Variants in SLC24A2 observed in about 807,000 individuals in gnomAD.
SLC24A2 encodes the protein solute carrier family 24 member 2.
In SLC24A2, 36 loss-of-function variants were observed where a neutral mutation model predicts 62.0. The ratio of observed to expected loss-of-function variants is 0.58; its 90% CI spans 0.44 to 0.77. The LOEUF is 0.77. SLC24A2 is among the 30% of genes least tolerant of loss of function. SLC24A2 has a pLI of 0.00. For synonymous variants in SLC24A2, 358 were observed against 294.0 expected (o/e 1.22, Z -2.23); for missense variants, 846 against 817.9 (o/e 1.03, Z -0.42).
At chr9:20,092,896 G>T in the SLC24A2 span, among the ~76,000 whole-genome samples, 2 of 152,148 alleles carry the variant, frequency 1.3e-5, no homozygotes, top group East Asian at 3.8e-4. Context: ...AATGATGGTT[G>T]CCAGGGACTG....
chr9:20,181,294 G>A, the SLC24A2 span, among the ~76,000 whole-genome samples: 1 of 151,930 alleles, frequency 6.6e-6, no homozygotes, highest in Non-Finnish European at 1.5e-5. Flanking sequence ...AATCATATAG[G>A]ACTAAATGTG....
intron 2 of SLC24A2, among the ~76,000 whole-genome samples, chr9:19,686,529 G>A (rs964172003): frequency 4.6e-5 from 7 of 152,176 alleles, no homozygotes; most frequent in Admixed American, 1.3e-4. Context: ...CACGTCTTGC[G>A]GGAGGGAGCC....
rs1174365162 is a variant in SLC24A2, at chr9:19,632,132, G to C, written c.931-9833C>G. Among the ~76,000 whole-genome samples the C allele has an allele frequency of 2.0e-5, 3 of 152,094 alleles. No individual in the cohort carries two copies. Among genetic ancestry groups the C allele is most frequent in the East Asian group, 3.9e-4 (2 of 5,190 alleles). On this transcript the variant is annotated intron_variant, in intron 2 of 10. Coordinates refer to ENST00000341998, the MANE Select transcript of SLC24A2 (RefSeq NM_020344.4). The surrounding 1 kb of genome is among the most constrained non-coding windows in gnomAD (Gnocchi z 4.5). ...ACAGTTACCTTCTCAATTGTCCCTG[G>C]GGCTGATGCAGTTTAGGGTAGAGTG...
chr9:19,948,414 TAAC>T, the SLC24A2 span, among the ~76,000 whole-genome samples: 36,893 of 152,086 alleles, frequency 0.24, 5,370 homozygotes, highest in South Asian at 0.4. Flanking sequence ...GTAATAAAGA[TAAC>T]AAACAAAAGC....
chr9:19,685,659 A>C (rs956878985), intron 2 of SLC24A2, among the ~76,000 whole-genome samples: 2 of 152,116 alleles, frequency 1.3e-5, no homozygotes, highest in African/African-American at 4.8e-5. Flanking sequence ...AACAAAAAAC[A>C]AGCAATGGGG....
chr9:19,863,088 G>T, the SLC24A2 span, among the ~76,000 whole-genome samples: 1 of 151,970 alleles, frequency 6.6e-6, no homozygotes, highest in African/African-American at 2.4e-5. Context: ...CCAAAAAAGA[G>T]CAGGAGTTGC....
At chr9:19,939,757 A>G in the SLC24A2 span, among the ~76,000 whole-genome samples, 1 of 152,208 alleles carries the variant, frequency 6.6e-6, no homozygotes, top group Non-Finnish European at 1.5e-5. Context: ...CTGTCCTACA[A>G]GTGGTCTGTT....
chr9:20,208,695 T>C, the SLC24A2 span, among the ~76,000 whole-genome samples: 2 of 152,170 alleles, frequency 1.3e-5, no homozygotes, highest in African/African-American at 4.8e-5. Flanking sequence ...CCAGCTATGG[T>C]TGTTTCCAGA....
chr9:19,522,246 C>T (rs2132640875), intron 9 of SLC24A2, among the ~76,000 whole-genome samples: 1 of 152,266 alleles, frequency 6.6e-6, no homozygotes, highest in East Asian at 1.9e-4. Flanking sequence ...GATCCTCCTG[C>T]CTTGGCCTCC....
chr9:19,769,645 T>G (rs1178340879), intron 2 of SLC24A2, among the ~76,000 whole-genome samples: 1 of 152,212 alleles, frequency 6.6e-6, no homozygotes, highest in African/African-American at 2.4e-5. Flanking sequence ...CTGACTGTGT[T>G]ACCAATGTAA....
intron 2 of SLC24A2, among the ~76,000 whole-genome samples, chr9:19,732,168 C>T (rs1821359493): frequency 6.6e-6 from 1 of 152,134 alleles, no homozygotes; most frequent in African/African-American, 2.4e-5. Flanking sequence ...AGGGCAGGTG[C>T]AAATATTTGT....
chr9:19,757,491 A>AT (rs1462514880), intron 2 of SLC24A2, among the ~76,000 whole-genome samples: 6 of 152,018 alleles, frequency 3.9e-5, no homozygotes, highest in African/African-American at 7.2e-5. Flanking sequence ...CTAGAAGGCT[A>AT]TTTTTTTCTT....
the SLC24A2 span, among the ~76,000 whole-genome samples, chr9:20,089,190 G>C: frequency 1.3e-5 from 2 of 152,104 alleles, no homozygotes; most frequent in Admixed American, 1.3e-4. Flanking sequence ...AGTCTGCAGG[G>C]ACCAGAAACT....
chr9:20,124,378 A>G, the SLC24A2 span, among the ~76,000 whole-genome samples: 3 of 152,228 alleles, frequency 2.0e-5, no homozygotes, highest in Admixed American at 2.0e-4. Context: ...ATTTAAAAAA[A>G]AAGAAGAAGA....
intron 2 of SLC24A2, among the ~76,000 whole-genome samples, chr9:19,636,326 T>TCCTTTCCTTTCC (rs1554690402): frequency 3.7e-5 from 1 of 26,874 alleles, no homozygotes; most frequent in African/African-American, 1.6e-4. Flanking sequence ...TTTCTTTCTT[T>TCCTTTCCTTTCC]CTTTCTTTCT....
chr9:19,744,468 T>C (rs1821773185), intron 2 of SLC24A2, among the ~76,000 whole-genome samples: 2 of 152,234 alleles, frequency 1.3e-5, no homozygotes, highest in South Asian at 4.1e-4. Flanking sequence ...CAGACTCCTA[T>C]GCTCGTAGAG....
At chr9:19,941,062 G>A in the SLC24A2 span, among the ~76,000 whole-genome samples, 5 of 152,180 alleles carry the variant, frequency 3.3e-5, no homozygotes, top group African/African-American at 1.2e-4. Flanking sequence ...TCAAAGGTTG[G>A]GGGAGGAAGA....
chr9:19,947,842 A>AAGAAAGAAAGAAAGAG, the SLC24A2 span, among the ~76,000 whole-genome samples: 1 of 149,620 alleles, frequency 6.7e-6, no homozygotes, highest in African/African-American at 2.4e-5. Context: ...GAAAGAAAGA[A>AAGAAAGAAAGAAAGAG]AGAAAGAAAT....
intron 2 of SLC24A2, among the ~76,000 whole-genome samples, chr9:19,651,651 A>T (rs1818805214): frequency 6.6e-6 from 1 of 152,236 alleles, no homozygotes; most frequent in Admixed American, 6.5e-5. Flanking sequence ...AAATTAGGTC[A>T]AAAGGCAAAA....
Sources: allele counts gnomAD v4.1 joint callset (sites outside exome capture counted in the v4.1 genomes callset), GRCh38; gene constraint gnomAD v4.1.1; non-coding constraint Gnocchi (gnomAD v3.1); transcripts MANE v1.5; gene names NCBI Gene and HGNC (gene_info 2026-07-23, HGNC 2026-07-21).